The following MYLK variants were observed in gnomAD, a reference collection of about 807,000 sequenced individuals.
MYLK encodes the protein myosin light chain kinase.
MYLK carries 106 observed loss-of-function variants against 203.4 expected under a neutral mutation model. The observed-to-expected ratio is 0.52, with a 90% CI of 0.45 to 0.61. The LOEUF is 0.61. Among genes scored for constraint, MYLK ranks in the 20% least tolerant of loss-of-function variants. MYLK has a pLI of 0.00. For missense variants in MYLK, 2,072 were observed against 2,442.3 expected, an observed-to-expected ratio of 0.85 and a Z score of 3.20; for synonymous variants, 867 against 959.5, an observed-to-expected ratio of 0.90 and a Z score of 1.78.
chr3:123,743,449 A>G (rs1002993537), intron 5 of MYLK, among the ~76,000 whole-genome samples: 1 of 151,922 alleles, frequency 6.6e-6, no homozygotes, highest in Middle Eastern at 3.5e-3. Flanking sequence ...AACAGGGTCT[A>G]TTTATAGGAA....
chr3:123,807,858 C>T (rs568463095), intron 3 of MYLK, among the ~76,000 whole-genome samples: 1 of 152,358 alleles, frequency 6.6e-6, no homozygotes, highest in East Asian at 1.9e-4. Context: ...CAAGCCCAGA[C>T]CCCAGCCTTA....
At chr3:123,819,032 A>C (rs1377600121) in intron 3 of MYLK, among the ~76,000 whole-genome samples, 1 of 152,160 alleles carries the variant, frequency 6.6e-6, no homozygotes, top group East Asian at 1.9e-4. Context: ...CTGCTTTGAA[A>C]CTTTGATGAG....
chr3:123,739,838 C>G (rs1193952414), intron 6 of MYLK, 115 bp downstream of exon 6: 1 of 1,156,944 alleles, frequency 8.6e-7, no homozygotes, highest in Non-Finnish European at 1.3e-6. Context: ...ACTAGGCTCC[C>G]GCCCTTTGGT....
intron 19 of MYLK, chr3:123,692,470 G>T: frequency 8.6e-7 from 1 of 1,160,672 alleles, no homozygotes; most frequent in Non-Finnish European, 1.1e-6. Context: ...AGAAGGTTCT[G>T]GGTGTGGGGA....
At chr3:123,878,915 A>G (rs1187660592) in intron 1 of MYLK, among the ~76,000 whole-genome samples, 1 of 152,104 alleles carries the variant, frequency 6.6e-6, no homozygotes, top group Non-Finnish European at 1.5e-5. Context: ...CTGAACCCTG[A>G]CCTCAGGTGA....
Position 123,806,340 on chromosome 3 carries a change from T to C in MYLK, c.-3-12496A>G, listed in dbSNP as rs142288424. On this transcript the variant is annotated intron_variant, in intron 3 of 33. Transcript: ENST00000360304. ...AAGACTGAGTTGAGATCTCTGAAGC[T>C]GGCAAAGCACAGAGAACAGGCCATG... 1.8e-3 allele frequency among the ~76,000 whole-genome samples: 274 copies of C among 152,272 alleles called. No individual in the cohort carries two copies. The Middle Eastern group carries it at 0.024, about 13-fold the overall frequency.
intron 2 of MYLK, among the ~76,000 whole-genome samples, chr3:123,842,583 C>CTA (rs2148650900): frequency 9.5e-6 from 1 of 104,918 alleles, no homozygotes; most frequent in South Asian, 3.3e-4. Context: ...CTGCAAAAGG[C>CTA]TATAATGCAA....
intron 4 of MYLK, among the ~76,000 whole-genome samples, chr3:123,769,228 G>A (rs534670792): frequency 3.9e-5 from 6 of 152,254 alleles, no homozygotes; most frequent in Non-Finnish European, 7.4e-5. Flanking sequence ...GCCTCCAGGT[G>A]CAAGAAGGAG....
Position 123,625,806 on chromosome 3 carries a change from C to CAAA in MYLK, c.5238+1009_5238+1011dup, listed in dbSNP as rs11288924. Among the ~76,000 whole-genome samples, 4 of 95,080 alleles carry CAAA rather than the reference C, an allele frequency of 4.2e-5. No homozygotes were observed. The South Asian group carries it at 1.3e-3, about 31-fold the overall frequency. The allele number at this position is 95,080 out of a possible 152,430, so 62.4% of individuals were successfully genotyped here. On this transcript the variant is annotated intron_variant, in intron 31 of 33. Coordinates refer to ENST00000360304, the MANE Select transcript of MYLK (RefSeq NM_053025.4). The stretch of plus-strand genomic sequence containing the variant: ...TGGGCAACAGAGCGAGACTCCATCT[C>CAAA]AAAAAAAAAAAAAAAAGAATTGTAA...
At chr3:123,657,452 C>T in intron 23 of MYLK, 24 bp from the exon 24 acceptor site, 1 of 1,611,396 alleles carries the variant, frequency 6.2e-7, no homozygotes, top group Non-Finnish European at 8.5e-7. Context: ...AGCACAACAT[C>T]ACCCACACTT....
rs1450359076 is a variant in MYLK at position 123,642,597 on chromosome 3, G to A, written c.4620-2093C>T. Reference sequence around the variant, plus strand: ...TGAGAAGAAGGTCCCCAAATGGCCTGCAGGTGGCGCTCTTGTCCTTATGCC... The same window carrying A: ...TGAGAAGAAGGTCCCCAAATGGCCTACAGGTGGCGCTCTTGTCCTTATGCC... On this transcript the variant is annotated intron_variant, in intron 27 of 33. Transcript: ENST00000360304. This position sits in a 1 kb window ranked among gnomAD's most constrained non-coding sequence, Gnocchi z 4.2. Among the ~76,000 whole-genome samples, 4 of 152,206 alleles carry A rather than the reference G, an allele frequency of 2.6e-5. No individual in the cohort carries two copies. Among genetic ancestry groups the A allele is most frequent in the Non-Finnish European group, 5.9e-5 (4 of 68,034 alleles).
At chr3:123,737,253 A>C in intron 8 of MYLK, 125 bp downstream of exon 8, 6 of 1,066,140 alleles carry the variant, frequency 5.6e-6, no homozygotes, top group Non-Finnish European at 8.4e-6. Context: ...GCCCCTGGGG[A>C]GTGCCTGGGT....
At chr3:123,785,923 G>C (rs1194812616) in intron 4 of MYLK, among the ~76,000 whole-genome samples, 1 of 152,186 alleles carries the variant, frequency 6.6e-6, no homozygotes, top group East Asian at 1.9e-4. Context: ...ATTGGACAAT[G>C]CAATTCTGTA....
chr3:123,845,886 CATT>C (rs1360957972), intron 2 of MYLK, among the ~76,000 whole-genome samples: 2 of 152,186 alleles, frequency 1.3e-5, no homozygotes, highest in African/African-American at 4.8e-5. Flanking sequence ...TTGGGAATAA[CATT>C]ATATTCTTAG....
At chr3:123,730,984 T>C (rs79396129) in intron 11 of MYLK, among the ~76,000 whole-genome samples, 1,555 of 152,302 alleles carry the variant, frequency 0.01, 27 homozygotes, top group African/African-American at 0.035. Flanking sequence ...TATTACCCCA[T>C]GACGCGAACA....
chr3:123,634,406 C>A (rs928843673), intron 29 of MYLK, among the ~76,000 whole-genome samples: 1 of 152,170 alleles, frequency 6.6e-6, no homozygotes, highest in Non-Finnish European at 1.5e-5. Flanking sequence ...CCCGATGCCC[C>A]GGCACTGTGA....
At chr3:123,880,675 CA>C (rs1394635447) in intron 1 of MYLK, among the ~76,000 whole-genome samples, 2 of 152,272 alleles carry the variant, frequency 1.3e-5, no homozygotes, top group East Asian at 3.9e-4. Context: ...TGGATCTACA[CA>C]AAAATTTCCA....
intron 3 of MYLK, among the ~76,000 whole-genome samples, chr3:123,803,158 T>C (rs1039317910): frequency 6.6e-6 from 1 of 152,158 alleles, no homozygotes; most frequent in East Asian, 1.9e-4. Context: ...AAATCTTAGT[T>C]GATTCAGCTG....
intron 4 of MYLK, among the ~76,000 whole-genome samples, chr3:123,768,507 C>G (rs1047896228): frequency 6.6e-6 from 1 of 152,204 alleles, no homozygotes; most frequent in African/African-American, 2.4e-5. Flanking sequence ...ACCCCTAACA[C>G]CATGCAGGGC....
Sources: gnomAD v4.1 joint callset for allele counts (sites outside exome capture counted in the v4.1 genomes callset) on GRCh38, gnomAD v4.1.1 for gene constraint, Gnocchi (gnomAD v3.1) non-coding constraint, MANE v1.5 for transcripts, NCBI Gene and HGNC (gene_info 2026-07-23, HGNC 2026-07-21) for gene names.